The following EHBP1 variants were observed in gnomAD, a reference collection of about 807,000 sequenced individuals.
The protein encoded by EHBP1 is EH domain binding protein 1, also known as EH domain-binding protein 1.
Under a neutral mutation model 144.0 loss-of-function variants are expected in EHBP1, and 55 were observed. The observed-to-expected ratio is 0.38, with a 90% CI of 0.31 to 0.48. The LOEUF (loss-of-function observed/expected upper bound fraction) is 0.48. Ranked by LOEUF, EHBP1 falls within the 20% of genes least tolerant of loss-of-function variation. The probability of loss-of-function intolerance (pLI) is 0.98; values close to 1 mark genes in which losing one functional copy is unlikely to be tolerated. For missense variants in EHBP1, 1,200 were observed against 1,364.2 expected (o/e 0.88, Z 1.90); for synonymous variants, 469 against 472.7 (o/e 0.99, Z 0.10).
intron 6 of EHBP1, among the ~76,000 whole-genome samples, chr2:62,830,153 G>GACACACAC (rs368948717): frequency 0.07 from 9,179 of 131,988 alleles, 346 homozygotes; most frequent in Admixed American, 0.087. Flanking sequence ...TATATATATA[G>GACACACAC]ACACACACAC....
At position 62,826,257 on chromosome 2, in the gene EHBP1, A is replaced by G. The variant is rs751623838; in HGVS notation, c.483A>G (p.Glu161=). The change falls in exon 6 of 23, where the codon GAA becomes GAG. Residue 161 remains glutamate (E), a synonymous_variant. Transcript: ENST00000431489. ...QFSLSCIFLR[E]GKATDEDMQS... ...CATTATCTTGCATTTTTCTGAGGGA[A>G]GGAAAAGCCACGTAAGTTTCTTTTG... is the stretch of plus-strand genomic sequence containing the variant. The G allele has an allele frequency of 4.4e-6, 7 of 1,600,136 alleles. No homozygotes were observed. In the East Asian group the frequency reaches 1.6e-4, roughly 36 times the overall value.
intron 20 of EHBP1, 109 bp from the exon 21 acceptor site, chr2:63,038,634 A>G: frequency 1.0e-6 from 1 of 955,872 alleles, no homozygotes; most frequent in Non-Finnish European, 1.6e-6. Context: ...GCTTAAACTT[A>G]AAGAGAAAAG....
chr2:63,014,588 A>G (rs1167148463), intron 19 of EHBP1, among the ~76,000 whole-genome samples: 1 of 152,226 alleles, frequency 6.6e-6, no homozygotes, highest in East Asian at 1.9e-4. Context: ...CTGTACACTT[A>G]CCAGGAGAAT....
Position 62,832,186 on chromosome 2 carries a change from T to C in EHBP1, c.634+1028T>C, listed in dbSNP as rs567445739. ...TGTGTTTTACCATGTGCTTTGTTTA[T>C]TTATTTCTAGTTTGTTTGCTTATTC... On this transcript the variant is annotated intron_variant, in intron 7 of 22. Coordinates refer to ENST00000431489, the MANE Select transcript of EHBP1 (RefSeq NM_001142616.3). Among the ~76,000 whole-genome samples the C allele has an allele frequency of 5.9e-5, 9 of 152,348 alleles. No homozygotes were observed. The South Asian group carries it at 1.9e-3, about 32-fold the overall frequency.
chr2:62,751,938 C>T (rs2039769666), intron 3 of EHBP1, among the ~76,000 whole-genome samples: 1 of 152,016 alleles, frequency 6.6e-6, no homozygotes, highest in African/African-American at 2.4e-5. Flanking sequence ...AAACCAGCTC[C>T]TGGATTCATT....
intron 2 of EHBP1, among the ~76,000 whole-genome samples, chr2:62,735,988 G>C (rs574093093): frequency 3.3e-5 from 5 of 151,740 alleles, no homozygotes; most frequent in African/African-American, 1.2e-4. Context: ...CCTAAGTGTA[G>C]GTTTTTTGGC....
intron 17 of EHBP1, 99 bp from the exon 18 acceptor site, chr2:62,993,772 G>A: frequency 1.2e-6 from 1 of 821,536 alleles, no homozygotes; most frequent in Non-Finnish European, 1.8e-6. Context: ...TATATATATA[G>A]TATATATGTA....
At chr2:62,868,657 G>A (rs56373728) in intron 9 of EHBP1, among the ~76,000 whole-genome samples, 99,694 of 151,570 alleles carry the variant, frequency 0.66, 32,858 homozygotes, top group East Asian at 0.73. Flanking sequence ...TCAGTAATAA[G>A]AAAGGGGAGG....
intron 7 of EHBP1, among the ~76,000 whole-genome samples, chr2:62,835,049 T>C (rs1182437671): frequency 1.3e-5 from 2 of 152,246 alleles, no homozygotes; most frequent in Non-Finnish European, 2.9e-5. Context: ...TTTGTATCAG[T>C]TTGCCCCATT....
intron 10 of EHBP1, among the ~76,000 whole-genome samples, chr2:62,929,921 T>A (rs2055850825): frequency 6.6e-6 from 1 of 151,788 alleles, no homozygotes; most frequent in African/African-American, 2.4e-5. Context: ...CAATGAGCAA[T>A]CCACGAAGGA....
rs1275727193 is a variant in EHBP1 at position 62,900,691 on chromosome 2, T to G, written c.1185+26159T>G. On this transcript the variant is annotated intron_variant, in intron 10 of 22. Coordinates refer to ENST00000431489, the MANE Select transcript of EHBP1 (RefSeq NM_001142616.3). The stretch of plus-strand genomic sequence containing the variant: ...GTGGGTGTGTGTGTATGTGTATATA[T>G]ATATATATATATTTTCTTTCTCTGA... Among the ~76,000 whole-genome samples the G allele has an allele frequency of 4.6e-5, 7 of 150,640 alleles. No homozygotes were observed. In the East Asian group the frequency reaches 1.4e-3, roughly 29 times the overall value.
chr2:62,708,495 G>T (rs190657338), intron 2 of EHBP1, among the ~76,000 whole-genome samples: 3 of 152,274 alleles, frequency 2.0e-5, no homozygotes, highest in Admixed American at 6.5e-5. Flanking sequence ...CTTTGAGGAC[G>T]GGTTATTTAA....
intron 19 of EHBP1, among the ~76,000 whole-genome samples, chr2:63,016,402 G>A (rs2060485014): frequency 1.3e-5 from 2 of 150,742 alleles, no homozygotes; most frequent in Non-Finnish European, 3.0e-5. Context: ...AATTATGTGG[G>A]GTTTTGGGGG....
At chr2:62,779,257 T>C (rs950334882) in intron 5 of EHBP1, among the ~76,000 whole-genome samples, 5 of 152,212 alleles carry the variant, frequency 3.3e-5, no homozygotes, top group South Asian at 2.1e-4. Flanking sequence ...AAATTTCCAC[T>C]AGGCAGCATA....
chr2:62,902,153 A>G (rs934174355), intron 10 of EHBP1, among the ~76,000 whole-genome samples: 4 of 152,128 alleles, frequency 2.6e-5, no homozygotes, highest in Non-Finnish European at 5.9e-5. Flanking sequence ...TTTTTAAGTC[A>G]TGTTCAAGAG....
chr2:62,921,784 A>G lies in EHBP1; in HGVS notation c.1186-20934A>G, dbSNP rs561463754. On this transcript the variant is annotated intron_variant, in intron 10 of 22. Coordinates refer to ENST00000431489, the MANE Select transcript of EHBP1 (RefSeq NM_001142616.3). Reference sequence around the variant, plus strand: ...AATTACTAATTATCTACTCTTGACCAGAACAGACCCATAACATAAATAGTC... The same window carrying G: ...AATTACTAATTATCTACTCTTGACCGGAACAGACCCATAACATAAATAGTC... Among the ~76,000 whole-genome samples, 11 of 152,378 alleles carry G rather than the reference A, an allele frequency of 7.2e-5. No individual in the cohort carries two copies. In the South Asian group the frequency reaches 2.3e-3, roughly 32 times the overall value.
chr2:62,976,864 T>TTTTCTA (rs1458169645), intron 14 of EHBP1, among the ~76,000 whole-genome samples: 2 of 152,116 alleles, frequency 1.3e-5, no homozygotes, highest in African/African-American at 4.8e-5. Flanking sequence ...TCCTTTTAGT[T>TTTTCTA]TTTCTATTTC....
chr2:62,926,379 A>G (rs946904396), intron 10 of EHBP1, among the ~76,000 whole-genome samples: 16 of 152,204 alleles, frequency 1.1e-4, no homozygotes, highest in African/African-American at 3.6e-4. Context: ...CAAAGAAAAC[A>G]GCAGAGTGAA....
intron 10 of EHBP1, among the ~76,000 whole-genome samples, chr2:62,910,381 T>C (rs1415830026): frequency 6.6e-6 from 1 of 152,176 alleles, no homozygotes; most frequent in Non-Finnish European, 1.5e-5. Context: ...AAAGCTTCTA[T>C]GGAAATCTGG....
Sources: gnomAD v4.1 joint callset for allele counts (sites outside exome capture counted in the v4.1 genomes callset) on GRCh38, gnomAD v4.1.1 for gene constraint, MANE v1.5 for transcripts, NCBI Gene and HGNC (gene_info 2026-07-23, HGNC 2026-07-21) for gene names.